Variants in BBC3 observed in about 807,000 individuals in gnomAD.
BBC3 encodes the protein BCL2 binding component 3.
Under a neutral mutation model 18.2 loss-of-function variants are expected in BBC3, and 5 were observed. That is an observed-to-expected ratio of 0.27 (90% CI 0.14 to 0.58). The LOEUF (loss-of-function observed/expected upper bound fraction) is 0.58, where lower values mean the gene tolerates loss of function less well. Ranked by LOEUF, BBC3 falls within the 20% of genes least tolerant of loss-of-function variation. The pLI, the probability that BBC3 is intolerant of heterozygous loss-of-function variation, is 0.91. For synonymous variants in BBC3, 119 were observed against 128.0 expected, an observed-to-expected ratio of 0.93 and a Z score of 0.47; for missense variants, 224 against 268.9, an observed-to-expected ratio of 0.83 and a Z score of 1.17.
At chr19:47,222,042 G>A (rs912696766) in intron 3 of BBC3, 124 bp from the exon 4 acceptor site, 68 of 852,568 alleles carry the variant, frequency 8.0e-5, no homozygotes, top group Middle Eastern at 3.2e-4. Flanking sequence ...TCCTCCCCCC[G>A]CCTGGGCTAA....
chr19:47,226,566 G>T lies in BBC3; in HGVS notation c.463C>A (p.Arg155=). Residue 155 remains arginine, a splice_region_variant and synonymous_variant, in exon 3 of 4, where the codon CGG becomes AGG. Coordinates refer to ENST00000439096, the MANE Select transcript of BBC3 (RefSeq NM_014417.5). The part of the protein sequence containing the change: ...ADDLNAQYER[R]RQEEQQRHRP... ...TCTACCCCACCCCCAGCACTCACCC[G>T]CCGCTCGTACTGTGCGTTGAGGTCG... 2 of 1,562,428 alleles carry T rather than the reference G, an allele frequency of 1.3e-6. No homozygotes were observed. The highest frequency in any genetic ancestry group is 1.7e-6 in the Non-Finnish European group (2 of 1,156,426).
At chr19:47,231,384 G>A (rs1428834187), upstream of BBC3, among the ~76,000 whole-genome samples, 3 of 152,030 alleles carry the variant, frequency 2.0e-5, no homozygotes, top group East Asian at 5.8e-4. This position sits in a 1 kb window ranked among gnomAD's most constrained non-coding sequence, Gnocchi z 4.0. Context: ...GGGTTTCCCT[G>A]CAGCGGGGGA....
chr19:47,228,221 C>T lies in BBC3; in HGVS notation c.211G>A (p.Ala71Thr). 6.2e-6 allele frequency: 6 copies of T among 974,794 alleles called. No individual in the cohort carries two copies. Among genetic ancestry groups the T allele is most frequent in the Non-Finnish European group, 7.2e-6 (6 of 829,846 alleles). 60.4% of individuals were successfully genotyped at this position (974,794 alleles called of 1,614,324 possible). Reference sequence around the variant, plus strand: ...CCAGGCCAGCGGGAACCCCCCAGGGCGGCGGTGACGGCGGGTGGGGCGGTG... The same window carrying T: ...CCAGGCCAGCGGGAACCCCCCAGGGTGGCGGTGACGGCGGGTGGGGCGGTG... ...APTAPPAVTA[A>T]LGGSRWPGGP... The change falls in exon 2 of 4, where the codon GCC becomes ACC. Residue 71 changes from alanine (A) to threonine (T), a missense_variant. Coordinates refer to ENST00000439096, the MANE Select transcript of BBC3 (RefSeq NM_014417.5). This position sits in a 1 kb window ranked among gnomAD's most constrained non-coding sequence, Gnocchi z 5.5.
At chr19:47,232,538 G>A (rs1397259896), upstream of BBC3, 17 of 1,548,726 alleles carry the variant, frequency 1.1e-5, no homozygotes, top group African/African-American at 4.1e-5. Flanking sequence ...GGGGACCCAC[G>A]TCGTGGAAGC....
upstream of BBC3, chr19:47,232,549 A>C (rs771652494): frequency 2.2e-4 from 338 of 1,548,618 alleles, no homozygotes; most frequent in Non-Finnish European, 2.8e-4. Flanking sequence ...TCGTGGAAGC[A>C]GCCCTGGGCA....
At chr19:47,232,481 A>G, upstream of BBC3, 1 of 1,526,852 alleles carries the variant, frequency 6.5e-7, no homozygotes, top group Non-Finnish European at 8.9e-7. Context: ...CCCACTGCAC[A>G]CACGTCGGAG....
At chr19:47,225,774 C>T (rs2058808627) in intron 3 of BBC3, among the ~76,000 whole-genome samples, 1 of 152,126 alleles carries the variant, frequency 6.6e-6, no homozygotes, top group South Asian at 2.1e-4. Context: ...GCTAAGAATG[C>T]TCCATGATTC....
At chr19:47,226,818 C>T in intron 2 of BBC3, 64 bp from the exon 3 acceptor site, 1 of 1,298,694 alleles carries the variant, frequency 7.7e-7, no homozygotes, top group Non-Finnish European at 9.9e-7. Flanking sequence ...GTGTCTCGGC[C>T]TGCTCCCCTC....
At chr19:47,232,688 T>G (rs1395641163), upstream of BBC3, 1 of 1,287,632 alleles carries the variant, frequency 7.8e-7, no homozygotes, top group African/African-American at 1.5e-5. Flanking sequence ...GTTTTGTCCT[T>G]CCTTTTTCCA....
chr19:47,228,106 A>T lies in BBC3; in HGVS notation c.274+52T>A. ...ACTTCTCCAGTTCCTCCGAGTCTCC[A>T]GCCCTCTCTCTTCCCGGCTCCTATC... On this transcript the variant is annotated intron_variant, in intron 2 of 3. Transcript: ENST00000439096. This position sits in a 1 kb window ranked among gnomAD's most constrained non-coding sequence, Gnocchi z 5.5. The T allele has an allele frequency of 8.3e-7, 1 of 1,206,516 alleles. No homozygotes were observed. Among genetic ancestry groups the T allele is most frequent in the South Asian group, 4.1e-5 (1 of 24,282 alleles). 74.7% of individuals were successfully genotyped at this position (1,206,516 alleles called of 1,614,324 possible).
rs114978921 is a variant in BBC3 at position 47,227,574 on chromosome 19, C to A, written c.274+584G>T. On this transcript the variant is annotated intron_variant, in intron 2 of 3. Coordinates refer to ENST00000439096, the MANE Select transcript of BBC3 (RefSeq NM_014417.5). ...ACACTTTCCCTAGAGCGCCTGCCGG[C>A]AGGGATGGGGCTCCACGGGCACCAC... is the stretch of plus-strand genomic sequence containing the variant. 7.2e-3 allele frequency among the ~76,000 whole-genome samples: 1,097 copies of A among 152,246 alleles called. 12 individuals carry two copies. The highest frequency in any genetic ancestry group is 0.025 in the African/African-American group (1,037 of 41,542).
chr19:47,230,652 T>A lies in BBC3; in HGVS notation c.-16+277A>T, dbSNP rs2058901222. ...TCGACCCTCTTCCCCGGGGCCGCAC[T>A]GGCCGCCAGGGGGCGCTGCCGAGCC... On this transcript the variant is annotated intron_variant, in intron 1 of 3. Transcript: ENST00000439096. The surrounding 1 kb of genome is among the most constrained non-coding windows in gnomAD (Gnocchi z 6.7). 1.1e-6 allele frequency: 1 copy of A among 901,528 alleles called. No homozygotes were observed. The highest frequency in any genetic ancestry group is 5.7e-4 in the Middle Eastern group (1 of 1,746). 55.8% of individuals were successfully genotyped at this position (901,528 alleles called of 1,614,324 possible).
chr19:47,221,983 G>T, intron 3 of BBC3, 65 bp from the exon 4 acceptor site: 1 of 1,417,418 alleles, frequency 7.1e-7, no homozygotes, highest in South Asian at 1.3e-5. Context: ...AGTGGGGATG[G>T]TCAGCTCCAG....
rs540087146 is a variant in BBC3 at position 47,230,839 on chromosome 19, C to T, written c.-16+90G>A. On this transcript the variant is annotated intron_variant, in intron 1 of 3. Transcript: ENST00000439096. This position sits in a 1 kb window ranked among gnomAD's most constrained non-coding sequence, Gnocchi z 6.7. ...GTGGGGAGGCAGGGCGCCCACACTG[C>T]TCTCCGCCTGCACTCCTGTCACCTC... 2.0e-6 allele frequency: 2 copies of T among 984,758 alleles called. No individual in the cohort carries two copies. Among genetic ancestry groups the T allele is most frequent in the East Asian group, 2.3e-4 (2 of 8,766 alleles). 61.0% of individuals were successfully genotyped at this position (984,758 alleles called of 1,614,324 possible).
intron 3 of BBC3, among the ~76,000 whole-genome samples, chr19:47,224,807 C>T (rs2058792480): frequency 1.3e-5 from 2 of 149,662 alleles, no homozygotes; most frequent in African/African-American, 2.5e-5. Flanking sequence ...CTCCTGATCT[C>T]GGCTCACTGC....
intron 3 of BBC3, among the ~76,000 whole-genome samples, chr19:47,223,462 G>T (rs2058775298): frequency 6.6e-6 from 1 of 151,650 alleles, no homozygotes; most frequent in Non-Finnish European, 1.5e-5. Context: ...AGCTACTAGG[G>T]AGGCCAAGGC....
At position 47,231,155 on chromosome 19, in the gene BBC3, C is replaced by A. The variant is rs1052864050; in HGVS notation, c.-242G>T. 1.0e-6 allele frequency: 1 copy of A among 985,082 alleles called. No individual in the cohort carries two copies. Among genetic ancestry groups the A allele is most frequent in the African/African-American group, 1.8e-5 (1 of 57,036 alleles). The allele number at this position is 985,082 out of a possible 1,614,324, so 61.0% of individuals were successfully genotyped here. A position where few individuals can be genotyped will look rare whatever the true frequency, so the allele number is the denominator to read the frequency against. On this transcript the variant is annotated 5_prime_UTR_variant, in exon 1 of 4. Transcript: ENST00000439096. This position sits in a 1 kb window ranked among gnomAD's most constrained non-coding sequence, Gnocchi z 4.0. ...CTGCTGGGATCGCTGGTGCCGCCGC[C>A]GCCGCCGCCAGGCGCCCGCTCGCAT...
At chr19:47,224,033 A>G (rs1568621321) in intron 3 of BBC3, among the ~76,000 whole-genome samples, 1 of 151,912 alleles carries the variant, frequency 6.6e-6, no homozygotes, top group Non-Finnish European at 1.5e-5. Flanking sequence ...AGTGGCTTAC[A>G]CCTGTAATCC....
At chr19:47,226,280 C>T (rs923365446) in intron 3 of BBC3, among the ~76,000 whole-genome samples, 1 of 151,790 alleles carries the variant, frequency 6.6e-6, no homozygotes, top group Admixed American at 6.6e-5. Context: ...CCTCAGTCCC[C>T]GCGGCCGCGG....
Sources: gnomAD v4.1 joint callset for allele counts (sites outside exome capture counted in the v4.1 genomes callset) on GRCh38, gnomAD v4.1.1 for gene constraint, Gnocchi (gnomAD v3.1) non-coding constraint, MANE v1.5 for transcripts, NCBI Gene and HGNC (gene_info 2026-07-23, HGNC 2026-07-21) for gene names.